Variants in LAMC1 observed in about 807,000 individuals in gnomAD.
LAMC1 encodes laminin subunit gamma-1.
A neutral mutation model predicts 173.6 loss-of-function variants in LAMC1; 38 were observed. The observed-to-expected ratio is 0.22, with a 90% CI of 0.17 to 0.29. The LOEUF (loss-of-function observed/expected upper bound fraction) is 0.29, where lower values mean the gene tolerates loss of function less well. Ranked by LOEUF, LAMC1 falls within the 10% of genes least tolerant of loss-of-function variation. The pLI, the probability that LAMC1 is intolerant of heterozygous loss-of-function variation, is 1.00. For synonymous variants in LAMC1, 746 were observed against 749.1 expected, an observed-to-expected ratio of 1.00 and a Z score of 0.07; for missense variants, 1,824 against 2,051.8, an observed-to-expected ratio of 0.89 and a Z score of 2.14.
chr1:183,119,744 AAAAT>A (rs1656418609), intron 11 of LAMC1, among the ~76,000 whole-genome samples: 2 of 152,094 alleles, frequency 1.3e-5, no homozygotes, highest in Non-Finnish European at 2.9e-5. Flanking sequence ...AAAAAAAAGT[AAAAT>A]AAATAAATAA....
chr1:183,090,326 G>T (rs1655534496), intron 1 of LAMC1, among the ~76,000 whole-genome samples: 1 of 152,132 alleles, frequency 6.6e-6, no homozygotes, highest in Non-Finnish European at 1.5e-5. Flanking sequence ...TTTGTAGAAG[G>T]TATAATTTAA....
chr1:183,035,882 T>C (rs1354860489), intron 1 of LAMC1, among the ~76,000 whole-genome samples: 1 of 152,042 alleles, frequency 6.6e-6, no homozygotes, highest in East Asian at 1.9e-4. Context: ...TACAATGGAG[T>C]GTTAAGCAAC....
Position 183,142,569 on chromosome 1 carries a change from G to A in LAMC1, c.4609G>A (p.Glu1537Lys), listed in dbSNP as rs79826197. 5.2e-5 allele frequency: 84 copies of A among 1,613,800 alleles called. No individual in the cohort carries two copies. Among genetic ancestry groups the A allele is most frequent in the East Asian group, 1.3e-4 (6 of 44,880 alleles). ...TACAGTGGACCTGAATAAGCTAAAC[G>A]AGATTGAAGGCACCCTAAACAAAGC... is the stretch of plus-strand genomic sequence containing the variant. ...LDTVDLNKLN[E>K]IEGTLNKAKD... The change falls in exon 28 of 28, where the codon GAG (glutamate) becomes AAG (lysine). Residue 1537 changes from glutamate (E) to lysine (K), a missense_variant. By Grantham distance (56) the Glu-to-Lys change is moderately conservative. Transcript: ENST00000258341.
intron 1 of LAMC1, among the ~76,000 whole-genome samples, chr1:183,068,815 G>A (rs1382034525): frequency 6.6e-6 from 1 of 151,990 alleles, no homozygotes; most frequent in Non-Finnish European, 1.5e-5. Flanking sequence ...GGTGGCGGGC[G>A]CCTGTAGTCC....
At chr1:183,086,781 T>C (rs900620788) in intron 1 of LAMC1, among the ~76,000 whole-genome samples, 4 of 152,246 alleles carry the variant, frequency 2.6e-5, no homozygotes, top group African/African-American at 9.6e-5. Context: ...TACTTAAGTC[T>C]GAACTTGATT....
chr1:183,117,091 A>G, intron 8 of LAMC1, 188 bp downstream of exon 8: 4 of 714,638 alleles, frequency 5.6e-6, no homozygotes, highest in Non-Finnish European at 8.8e-6. Flanking sequence ...TTTAGAATTT[A>G]TCTCAATGAA....
intron 4 of LAMC1, among the ~76,000 whole-genome samples, chr1:183,112,467 T>C (rs1297252417): frequency 6.6e-6 from 1 of 152,190 alleles, no homozygotes; most frequent in Non-Finnish European, 1.5e-5. Flanking sequence ...GATGAGGAAC[T>C]AAGTCAATTT....
chr1:183,035,464 G>A (rs564618146), intron 1 of LAMC1, among the ~76,000 whole-genome samples: 1 of 152,314 alleles, frequency 6.6e-6, no homozygotes, highest in Admixed American at 6.5e-5. Context: ...TGGGGTTACA[G>A]GTGTAAGCCA....
Position 183,103,541 on chromosome 1 carries a change from A to C in LAMC1, c.632A>C (p.Asp211Ala). 1 of 1,613,696 alleles carries C rather than the reference A, an allele frequency of 6.2e-7. No individual in the cohort carries two copies. Among genetic ancestry groups the C allele is most frequent in the Non-Finnish European group, 8.5e-7 (1 of 1,179,706 alleles). The change falls in exon 2 of 28, where the codon GAC becomes GCC. Residue 211 changes from aspartate (D) to alanine (A), a missense_variant. Physicochemically the swap from Asp to Ala is moderately radical, Grantham distance 126. Coordinates refer to ENST00000258341, the MANE Select transcript of LAMC1 (RefSeq NM_002293.4). ...QQALCTDEFS[D>A]ISPLTGGNVA... ...GCCTTGTGTACTGATGAATTCAGTG[A>C]CATTTCTCCCCTCACTGGGGGCAAC...
chr1:183,028,183 G>T (rs10911198), intron 1 of LAMC1, among the ~76,000 whole-genome samples: 74,362 of 149,742 alleles, frequency 0.5, 19,176 homozygotes, highest in South Asian at 0.64. Context: ...ATTTGTCATT[G>T]GTCACATTTG....
At position 183,137,742 on chromosome 1, in the gene LAMC1, A is replaced by G. The variant is rs751636738; in HGVS notation, c.4388A>G (p.Asn1463Ser). ...ACAGATCTGGATAATGAGGTGAACA[A>G]TATGTTGAAGCAACTGCAGGAAGCA... The part of the protein sequence containing the change: ...EVTDLDNEVN[N>S]MLKQLQEAEK... The change falls in exon 26 of 28, where the codon AAT (asparagine) becomes AGT (serine). Residue 1463 changes from asparagine (N) to serine (S), a missense_variant. By Grantham distance (46) the Asn-to-Ser change is conservative. Transcript: ENST00000258341. 3 of 1,612,720 alleles carry G rather than the reference A, an allele frequency of 1.9e-6. No individual in the cohort carries two copies. Among genetic ancestry groups the G allele is most frequent in the African/African-American group, 1.3e-5 (1 of 74,888 alleles).
At chr1:183,140,363 A>G (rs1305385621) in intron 26 of LAMC1, 41 bp from the exon 27 acceptor site, 3 of 1,230,288 alleles carry the variant, frequency 2.4e-6, no homozygotes, top group Middle Eastern at 3.8e-4. Context: ...AGAAGATGAA[A>G]ACATACAGTC....
chr1:183,089,595 TGAAATGA>T (rs1181788340), intron 1 of LAMC1, among the ~76,000 whole-genome samples: 15 of 152,218 alleles, frequency 9.9e-5, no homozygotes, highest in Non-Finnish European at 4.4e-5. Flanking sequence ...AAGAAGTTTC[TGAAATGA>T]TAATGTGCTT....
At chr1:183,071,095 T>TTC (rs1655000755) in intron 1 of LAMC1, among the ~76,000 whole-genome samples, 1 of 151,554 alleles carries the variant, frequency 6.6e-6, no homozygotes. Context: ...TGTTTTTGTT[T>TTC]TTTTTTTTTT....
intron 1 of LAMC1, among the ~76,000 whole-genome samples, chr1:183,084,757 C>T (rs890675306): frequency 6.6e-5 from 10 of 152,112 alleles, no homozygotes; most frequent in Non-Finnish European, 1.2e-4. Context: ...TACGACGCAT[C>T]CTTTTTTTAT....
At chr1:183,079,066 GGA>G (rs1307084394) in intron 1 of LAMC1, among the ~76,000 whole-genome samples, 3 of 151,926 alleles carry the variant, frequency 2.0e-5, no homozygotes, top group African/African-American at 7.2e-5. Context: ...CTGCTCTCTG[GGA>G]GAGAGAGTGC....
Position 183,126,193 on chromosome 1 carries a change from G to A in LAMC1, c.2875G>A (p.Gly959Ser), listed in dbSNP as rs1167687458. Residue 959 changes from glycine to serine, a missense_variant, in exon 16 of 28, where the codon GGC (glycine) becomes AGC (serine). By Grantham distance (56) the Gly-to-Ser change is moderately conservative. Coordinates refer to ENST00000258341, the MANE Select transcript of LAMC1 (RefSeq NM_002293.4). Reference protein sequence around the residue: ...IRTGQCECQPGITGQHCERCE... With the variant: ...IRTGQCECQPSITGQHCERCE... ...CACCGGCCAGTGTGAGTGCCAGCCC[G>A]GCATCACTGGTCAGCACTGTGAGCG... is the stretch of plus-strand genomic sequence containing the variant. 31 of 1,614,094 alleles carry A rather than the reference G, an allele frequency of 1.9e-5. No homozygotes were observed. Among genetic ancestry groups the A allele is most frequent in the African/African-American group, 2.7e-5 (2 of 74,938 alleles).
chr1:183,080,576 A>G (rs1243076122), intron 1 of LAMC1, among the ~76,000 whole-genome samples: 1 of 152,084 alleles, frequency 6.6e-6, no homozygotes, highest in African/African-American at 2.4e-5. Context: ...GATTGATAAT[A>G]ACCCCAGCTC....
intron 1 of LAMC1, among the ~76,000 whole-genome samples, chr1:183,096,789 A>G (rs1040135617): frequency 1.4e-5 from 2 of 143,274 alleles, no homozygotes; most frequent in Admixed American, 7.5e-5. Flanking sequence ...GGGGGAGGCC[A>G]TGAAAAGGGA....
Sources: gnomAD v4.1 joint callset for allele counts (sites outside exome capture counted in the v4.1 genomes callset) on GRCh38, gnomAD v4.1.1 for gene constraint, MANE v1.5 for transcripts, NCBI Gene and HGNC (gene_info 2026-07-23, HGNC 2026-07-21) for gene names.